TMX2: variants seen among roughly 807,000 people sequenced by gnomAD.
The protein encoded by TMX2 is thioredoxin related transmembrane protein 2, also known as thioredoxin-related transmembrane protein 2.
TMX2 carries 20 observed loss-of-function variants against 33.4 expected under a neutral mutation model. The ratio of observed to expected loss-of-function variants is 0.60; its 90% CI spans 0.42 to 0.87. TMX2 has a LOEUF of 0.87. Ranked by LOEUF, TMX2 falls within the 40% of genes least tolerant of loss-of-function variation. The pLI, the probability that TMX2 is intolerant of heterozygous loss-of-function variation, is 0.00. For synonymous variants in TMX2, 166 were observed against 140.7 expected, an observed-to-expected ratio of 1.18 and a Z score of -1.27; for missense variants, 340 against 370.7, an observed-to-expected ratio of 0.92 and a Z score of 0.68.
intron 1 of TMX2, among the ~76,000 whole-genome samples, chr11:57,724,731 A>G (rs1403411296): frequency 6.6e-6 from 1 of 152,120 alleles, no homozygotes. Flanking sequence ...CTTTTACCTA[A>G]ATGTCTTATG....
chr11:57,722,457 ACTAATTAT>A (rs1295591347), intron 1 of TMX2, among the ~76,000 whole-genome samples: 2 of 152,358 alleles, frequency 1.3e-5, no homozygotes, highest in South Asian at 4.1e-4. Flanking sequence ...TGTAACTTTT[ACTAATTAT>A]CTAAAGTAAG....
At chr11:57,733,247 ATTTTTTT>A (rs71061537) in intron 1 of TMX2, among the ~76,000 whole-genome samples, 2 of 74,866 alleles carry the variant, frequency 2.7e-5, no homozygotes, top group African/African-American at 1.2e-4. Flanking sequence ...ACAGTGAGGA[ATTTTTTT>A]TTTTTTTTTT....
chr11:57,739,964 A>C (rs985627694), intron 7 of TMX2, 135 bp from the exon 8 acceptor site: 58 of 1,208,858 alleles, frequency 4.8e-5, no homozygotes, highest in Non-Finnish European at 4.2e-5. Context: ...CCTAAAAAAG[A>C]GGAAGGTTAG....
At chr11:57,728,100 T>C (rs1948117736) in intron 1 of TMX2, among the ~76,000 whole-genome samples, 1 of 152,202 alleles carries the variant, frequency 6.6e-6, no homozygotes, top group Non-Finnish European at 1.5e-5. Context: ...CTGAGGGCTG[T>C]GTCATGGGCC....
intron 1 of TMX2, among the ~76,000 whole-genome samples, chr11:57,730,277 AT>A (rs940829768): frequency 1.3e-4 from 20 of 150,394 alleles, no homozygotes; most frequent in African/African-American, 4.7e-4. Context: ...AAATACAAAA[AT>A]TAGCCAGCCA....
At chr11:57,723,917 C>G (rs1947805871) in intron 1 of TMX2, among the ~76,000 whole-genome samples, 1 of 147,974 alleles carries the variant, frequency 6.8e-6, no homozygotes, top group African/African-American at 2.5e-5. Context: ...GAAAACAAAA[C>G]AAGCCAGGGC....
At chr11:57,717,173 C>T (rs984134932) in intron 1 of TMX2, among the ~76,000 whole-genome samples, 17 of 151,832 alleles carry the variant, frequency 1.1e-4, no homozygotes, top group African/African-American at 4.1e-4. Flanking sequence ...CTCCTCACTT[C>T]CTAGATGGGA....
chr11:57,734,041 G>A (rs779265702), intron 1 of TMX2, among the ~76,000 whole-genome samples: 11 of 151,586 alleles, frequency 7.3e-5, no homozygotes, highest in Non-Finnish European at 1.2e-4. Context: ...GTGTGGTGGC[G>A]GGTGCCTGTA....
chr11:57,721,286 G>A (rs1947610334), intron 1 of TMX2, among the ~76,000 whole-genome samples: 1 of 151,568 alleles, frequency 6.6e-6, no homozygotes, highest in South Asian at 2.1e-4. Flanking sequence ...AGGTGACAGA[G>A]TGAGACTCCA....
chr11:57,714,092 T>C (rs1946817992), intron 1 of TMX2, among the ~76,000 whole-genome samples: 2 of 152,150 alleles, frequency 1.3e-5, no homozygotes, highest in African/African-American at 4.8e-5. Flanking sequence ...CAGGATGCCA[T>C]ATTTTGGGGT....
chr11:57,716,071 C>A (rs962334218), intron 1 of TMX2, among the ~76,000 whole-genome samples: 3 of 152,156 alleles, frequency 2.0e-5, no homozygotes, highest in South Asian at 4.1e-4. Context: ...CATTGTCATC[C>A]CGGCCCGTTC....
At position 57,739,142 on chromosome 11, in the gene TMX2, G is replaced by A. The variant is rs1028218935; in HGVS notation, c.626G>A (p.Ser209Asn). 1.2e-6 allele frequency: 2 copies of A among 1,614,108 alleles called. No homozygotes were observed. The highest frequency in any genetic ancestry group is 8.5e-7 in the Non-Finnish European group (1 of 1,180,022). The change falls in exon 7 of 8, where the codon AGC becomes AAC. Residue 209 changes from serine to asparagine, a missense_variant. By Grantham distance (46) the Ser-to-Asn change is conservative. Around this residue, in one of 3 missense-constraint regions of TMX2, gnomAD observed 209 missense variants for 241.6 expected, o/e 0.87. Transcript: ENST00000278422. ...TCTGGGCCCTGCAGGTACAAAGTGAGCACATCACCCCTCACCAAGCAACTC... is the reference window on the plus strand; with the variant it reads ...TCTGGGCCCTGCAGGTACAAAGTGAACACATCACCCCTCACCAAGCAACTC... ...YTDVSTRYKV[S>N]TSPLTKQLPT...
rs1949012993 is a variant in TMX2, at chr11:57,740,356, TG to T, written c.*115del. ...TGTTTTCCCTTTGGCTGTGACTGGG[TG>T]GGGCAGCATGCAGCTTCTGATTTTA... On this transcript the variant is annotated 3_prime_UTR_variant, in exon 8 of 8. Coordinates refer to ENST00000278422, the MANE Select transcript of TMX2 (RefSeq NM_015959.4). 2 of 1,277,746 alleles carry T rather than the reference TG, an allele frequency of 1.6e-6. No individual in the cohort carries two copies. Among genetic ancestry groups the T allele is most frequent in the African/African-American group, 1.5e-5 (1 of 64,850 alleles). The allele number at this position is 1,277,746 out of a possible 1,614,324, so 79.2% of individuals were successfully genotyped here. A position where few individuals can be genotyped will look rare whatever the true frequency, so the allele number is the denominator to read the frequency against.
In TMX2 at chr11:57,716,707, G is replaced by C. The variant is rs1486532372; in HGVS notation, c.189+3900G>C. On this transcript the variant is annotated intron_variant, in intron 1 of 7. Coordinates refer to ENST00000278422, the MANE Select transcript of TMX2 (RefSeq NM_015959.4). ...TCCCGGACGGGGCGGCAGGCCGGGT[G>C]GGGGGCTGACTCCCCCACCTCCCTC... Among the ~76,000 whole-genome samples, 7 of 136,742 alleles carry C rather than the reference G, an allele frequency of 5.1e-5. No homozygotes were observed. In the East Asian group the frequency reaches 1.4e-3, roughly 27 times the overall value. The allele number at this position is 136,742 out of a possible 152,430, so 89.7% of individuals were successfully genotyped here.
At chr11:57,734,881 A>T (rs1318907480) in intron 1 of TMX2, among the ~76,000 whole-genome samples, 1 of 152,010 alleles carries the variant, frequency 6.6e-6, no homozygotes, top group African/African-American at 2.4e-5. Flanking sequence ...CATGCCTGTA[A>T]TCCCAGCACT....
At chr11:57,734,458 C>A (rs1948619649) in intron 1 of TMX2, among the ~76,000 whole-genome samples, 1 of 152,118 alleles carries the variant, frequency 6.6e-6, no homozygotes, top group African/African-American at 2.4e-5. Flanking sequence ...TTTTAAAATT[C>A]ATCTTTCAGC....
Position 57,739,495 on chromosome 11 carries a change from C to T in TMX2, c.744+235C>T, listed in dbSNP as rs182291410. On this transcript the variant is annotated intron_variant, in intron 7 of 7. Transcript: ENST00000278422. The stretch of plus-strand genomic sequence containing the variant: ...GTCTCAGGCCAGGCACGGTGGCTCA[C>T]GCCTGTAATCCCAGCACTTTGGGAG... 5.9e-5 allele frequency among the ~76,000 whole-genome samples: 9 copies of T among 152,318 alleles called. No individual in the cohort carries two copies. The South Asian group carries it at 6.2e-4, about 11-fold the overall frequency.
At chr11:57,716,339 G>C (rs1336071753) in intron 1 of TMX2, among the ~76,000 whole-genome samples, 4 of 134,726 alleles carry the variant, frequency 3.0e-5, no homozygotes, top group African/African-American at 1.1e-4. Context: ...TGGCCGGGCG[G>C]GGGGCTGACC....
intron 1 of TMX2, among the ~76,000 whole-genome samples, chr11:57,724,769 G>T (rs1414658930): frequency 6.6e-6 from 1 of 152,124 alleles, no homozygotes; most frequent in Non-Finnish European, 1.5e-5. Flanking sequence ...GCTGGGCATG[G>T]TGGCTCACAC....
Sources: allele counts gnomAD v4.1 joint callset (sites outside exome capture counted in the v4.1 genomes callset), GRCh38; gene constraint gnomAD v4.1.1; regional missense constraint gnomAD v4.1.1; transcripts MANE v1.5; gene names NCBI Gene and HGNC (gene_info 2026-07-23, HGNC 2026-07-21).